Variants in SLC49A4 observed in about 807,000 individuals in gnomAD.
SLC49A4 encodes solute carrier family 49 member 4.
A neutral mutation model predicts 50.6 loss-of-function variants in SLC49A4; 36 were observed. That is an observed-to-expected ratio of 0.71 (90% CI 0.55 to 0.94). SLC49A4 has a LOEUF of 0.94. Ranked by LOEUF, SLC49A4 falls within the 40% of genes least tolerant of loss-of-function variation. SLC49A4 has a pLI of 0.00. For missense variants in SLC49A4, 503 were observed against 605.7 expected (o/e 0.83, Z 1.78); for synonymous variants, 248 against 241.2 (o/e 1.03, Z -0.26).
chr3:122,852,776 A>G (rs747005862), intron 5 of SLC49A4, among the ~76,000 whole-genome samples: 4 of 152,274 alleles, frequency 2.6e-5, no homozygotes, highest in East Asian at 1.9e-4. Context: ...CTTCTAGGTC[A>G]GTGAGGCTGT....
At chr3:122,873,594 A>G (rs1937222591) in intron 8 of SLC49A4, among the ~76,000 whole-genome samples, 1 of 152,238 alleles carries the variant, frequency 6.6e-6, no homozygotes, top group Non-Finnish European at 1.5e-5. Context: ...ATTTCTTAAT[A>G]TAATGAACAG....
chr3:122,809,969 A>T (rs764251455), intron 2 of SLC49A4, among the ~76,000 whole-genome samples: 1 of 152,224 alleles, frequency 6.6e-6, no homozygotes, highest in Non-Finnish European at 1.5e-5. Context: ...CTACAATTGG[A>T]ACATGTATTT....
rs544760749 is a variant in SLC49A4, at chr3:122,806,641, G to A, written c.344-216G>A. ...TCTGCCCACCTCGGCCTCTCAAAGT[G>A]CAAGGATTACAGGTGTGAGCCACCA... On this transcript the variant is annotated intron_variant, in intron 1 of 8. Coordinates refer to ENST00000261038, the MANE Select transcript of SLC49A4 (RefSeq NM_032839.3). Among the ~76,000 whole-genome samples, 10 of 151,496 alleles carry A rather than the reference G, an allele frequency of 6.6e-5. 1 individual carries two copies. In the South Asian group the frequency reaches 1.7e-3, roughly 25 times the overall value.
chr3:122,865,371 T>C (rs1277825437), intron 7 of SLC49A4, among the ~76,000 whole-genome samples: 16 of 152,200 alleles, frequency 1.1e-4, no homozygotes, highest in Non-Finnish European at 4.4e-5. Context: ...TAATAGTACC[T>C]TACAGCAAAA....
chr3:122,859,075 C>G (rs1337648169), intron 6 of SLC49A4, among the ~76,000 whole-genome samples: 1 of 152,098 alleles, frequency 6.6e-6, no homozygotes, highest in Non-Finnish European at 1.5e-5. Context: ...ACAAGAGTTT[C>G]CAATAGAGAA....
At position 122,795,320 on chromosome 3, in the gene SLC49A4, G is replaced by C. The variant is rs944714013; in HGVS notation, c.128G>C (p.Gly43Ala). Reference protein sequence around the residue: ...AAAALPAAVPGPGRVYGRRWL... With the variant: ...AAAALPAAVPAPGRVYGRRWL... ...GCGGCGCTGCCCGCGGCGGTCCCGG[G>C]TCCCGGGCGGGTATACGGGCGCCGC... The change falls in exon 1 of 9, where the codon GGT (glycine) becomes GCT (alanine). Residue 43 changes from glycine (G) to alanine (A), a missense_variant. Transcript: ENST00000261038. 6 of 1,506,688 alleles carry C rather than the reference G, an allele frequency of 4.0e-6. No homozygotes were observed. The highest frequency in any genetic ancestry group is 2.7e-5 in the East Asian group (1 of 36,684). The allele number at this position is 1,506,688 out of a possible 1,614,324, so 93.3% of individuals were successfully genotyped here.
chr3:122,867,555 AG>A (rs1937135174), intron 7 of SLC49A4, among the ~76,000 whole-genome samples: 1 of 152,236 alleles, frequency 6.6e-6, no homozygotes. Context: ...TATAAATCCA[AG>A]ATTATAAAGT....
chr3:122,843,444 TAG>T (rs1216914733), intron 4 of SLC49A4, among the ~76,000 whole-genome samples: 3 of 152,202 alleles, frequency 2.0e-5, no homozygotes, highest in Non-Finnish European at 4.4e-5. Flanking sequence ...ATGTCAAAAA[TAG>T]ACTCTTTTTA....
intron 1 of SLC49A4, among the ~76,000 whole-genome samples, chr3:122,802,584 C>G (rs1469126720): frequency 3.9e-5 from 6 of 152,106 alleles, no homozygotes; most frequent in Non-Finnish European, 8.8e-5. Context: ...TTCATGTTCC[C>G]AAGACCTGGA....
chr3:122,824,073 A>G (rs1264495379), intron 2 of SLC49A4, among the ~76,000 whole-genome samples: 3 of 152,228 alleles, frequency 2.0e-5, no homozygotes, highest in Non-Finnish European at 4.4e-5. Context: ...CAGGTTTCTC[A>G]TGAATTCAGA....
chr3:122,838,473 G>A (rs546669420), intron 4 of SLC49A4, among the ~76,000 whole-genome samples: 243 of 148,968 alleles, frequency 1.6e-3, no homozygotes, highest in African/African-American at 5.5e-3. Context: ...ACCAAACACC[G>A]CATGTTCTCA....
intron 3 of SLC49A4, among the ~76,000 whole-genome samples, chr3:122,830,521 C>T (rs1936595121): frequency 6.6e-6 from 1 of 152,192 alleles, no homozygotes; most frequent in African/African-American, 2.4e-5. Flanking sequence ...AACGCCATTA[C>T]ATTTATGGTT....
At chr3:122,869,229 C>CG (rs1252785374) in intron 7 of SLC49A4, among the ~76,000 whole-genome samples, 1 of 151,976 alleles carries the variant, frequency 6.6e-6, no homozygotes, top group African/African-American at 2.4e-5. Context: ...TGTGACCCCC[C>CG]CCAGTTTTCC....
At chr3:122,842,282 C>T (rs1936781391) in intron 4 of SLC49A4, among the ~76,000 whole-genome samples, 1 of 151,740 alleles carries the variant, frequency 6.6e-6, no homozygotes, top group Non-Finnish European at 1.5e-5. Flanking sequence ...GTCAGGAGAT[C>T]GAGACCATCC....
chr3:122,837,055 C>A (rs1422047174), intron 4 of SLC49A4, among the ~76,000 whole-genome samples: 1 of 152,024 alleles, frequency 6.6e-6, no homozygotes. Flanking sequence ...CTCAATGAAA[C>A]AAAAGAGGAT....
chr3:122,814,962 A>G (rs1936344542), intron 2 of SLC49A4, among the ~76,000 whole-genome samples: 1 of 152,156 alleles, frequency 6.6e-6, no homozygotes, highest in South Asian at 2.1e-4. Context: ...TTGTTCTGAA[A>G]GGTCCTCCAG....
At chr3:122,841,362 C>A (rs1428013442) in intron 4 of SLC49A4, among the ~76,000 whole-genome samples, 4 of 152,136 alleles carry the variant, frequency 2.6e-5, no homozygotes, top group Non-Finnish European at 4.4e-5. Context: ...TTCAAATACA[C>A]AAATTACAAT....
In SLC49A4 at chr3:122,865,346, G is replaced by A. The variant is rs375671306; in HGVS notation, c.1138+5144G>A. Among the ~76,000 whole-genome samples, 27 of 152,292 alleles carry A rather than the reference G, an allele frequency of 1.8e-4. No homozygotes were observed. In the East Asian group the frequency reaches 4.4e-3, roughly 25 times the overall value. On this transcript the variant is annotated intron_variant, in intron 7 of 8. Transcript: ENST00000261038. ...TTAGAGGGCTTGACTAGGTATCAGT[G>A]AGCGTTCCATGATTTAATAGTACCT...
intron 2 of SLC49A4, among the ~76,000 whole-genome samples, chr3:122,807,694 C>A (rs541796584): frequency 6.6e-6 from 1 of 151,990 alleles, no homozygotes; most frequent in East Asian, 1.9e-4. Context: ...CCTTGAGAGT[C>A]GTTGAGAAAT....
Sources: allele counts gnomAD v4.1 joint callset (sites outside exome capture counted in the v4.1 genomes callset), GRCh38; gene constraint gnomAD v4.1.1; transcripts MANE v1.5; gene names NCBI Gene and HGNC (gene_info 2026-07-23, HGNC 2026-07-21).